The following GABBR2 variants were observed in gnomAD, a reference collection of about 807,000 sequenced individuals.
GABBR2 encodes gamma-aminobutyric acid type B receptor subunit 2.
A neutral mutation model predicts 105.6 loss-of-function variants in GABBR2; 23 were observed. The ratio of observed to expected loss-of-function variants is 0.22; its 90% CI spans 0.16 to 0.31. GABBR2 has a LOEUF of 0.31. Ranked by LOEUF, GABBR2 falls within the 10% of genes least tolerant of loss-of-function variation. GABBR2 has a pLI of 1.00. For synonymous variants in GABBR2, 478 were observed against 499.7 expected (o/e 0.96, Z 0.58); for missense variants, 734 against 1,245.5 (o/e 0.59, Z 6.18).
chr9:98,411,828 C>G (rs1038852634), intron 7 of GABBR2, among the ~76,000 whole-genome samples: 1 of 152,144 alleles, frequency 6.6e-6, no homozygotes, highest in East Asian at 1.9e-4. Context: ...ACCTCGGCTC[C>G]CCTGAAAAGT....
At chr9:98,392,909 A>C (rs113702008) in intron 9 of GABBR2, among the ~76,000 whole-genome samples, 10 of 147,820 alleles carry the variant, frequency 6.8e-5, no homozygotes, top group East Asian at 2.0e-4. Flanking sequence ...ATCCATCTAC[A>C]CAGCCATCCA....
intron 2 of GABBR2, among the ~76,000 whole-genome samples, chr9:98,549,968 G>T (rs921148195): frequency 2.0e-5 from 3 of 152,176 alleles, no homozygotes. Context: ...TTGGTGTCAA[G>T]GACCAAGTTC....
At chr9:98,334,067 C>T (rs1475748695) in intron 13 of GABBR2, among the ~76,000 whole-genome samples, 1 of 152,182 alleles carries the variant, frequency 6.6e-6, no homozygotes, top group Non-Finnish European at 1.5e-5. Context: ...ATTGTTACTC[C>T]TAAGACAATG....
intron 3 of GABBR2, among the ~76,000 whole-genome samples, chr9:98,502,344 A>G (rs1233422646): frequency 2.0e-5 from 3 of 152,024 alleles, no homozygotes; most frequent in Non-Finnish European, 2.9e-5. Flanking sequence ...CCACAGTGCC[A>G]CTCCACTGCA....
At chr9:98,619,622 G>C (rs1829641280) in intron 1 of GABBR2, among the ~76,000 whole-genome samples, 1 of 152,132 alleles carries the variant, frequency 6.6e-6, no homozygotes, top group East Asian at 1.9e-4. Flanking sequence ...CTCCTGTGGT[G>C]TCAAATGTCA....
At chr9:98,374,214 C>A (rs1205361075) in intron 11 of GABBR2, among the ~76,000 whole-genome samples, 1 of 152,200 alleles carries the variant, frequency 6.6e-6, no homozygotes, top group East Asian at 1.9e-4. Context: ...TTGAAACAAT[C>A]ATTTCCAGGC....
chr9:98,476,272 C>A (rs758175148), intron 5 of GABBR2, among the ~76,000 whole-genome samples: 3 of 152,224 alleles, frequency 2.0e-5, no homozygotes, highest in Non-Finnish European at 4.4e-5. Flanking sequence ...GTAGCTGTTT[C>A]TTGTAAGTGA....
intron 1 of GABBR2, among the ~76,000 whole-genome samples, chr9:98,602,186 G>A (rs1452787692): frequency 6.7e-6 from 1 of 148,722 alleles, no homozygotes. Flanking sequence ...TTTTTTAATT[G>A]TTGGTGGCCG....
rs148401798 is a variant in GABBR2, at chr9:98,453,010, G to A, written c.1236+971C>T. Among the ~76,000 whole-genome samples the A allele has an allele frequency of 2.6e-3, 393 of 152,334 alleles. 5 individuals are homozygous for A. Among genetic ancestry groups the A allele is most frequent in the East Asian group, 0.022 (116 of 5,186 alleles). ...GGTAAACTGTGCCTGCACTGTGTGC[G>A]CAGTCAACTTTCTATGCCCTTTTTT... On this transcript the variant is annotated intron_variant, in intron 7 of 18. Coordinates refer to ENST00000259455, the MANE Select transcript of GABBR2 (RefSeq NM_005458.8).
intron 9 of GABBR2, among the ~76,000 whole-genome samples, chr9:98,391,216 A>G (rs1010806148): frequency 1.8e-4 from 28 of 152,230 alleles, no homozygotes; most frequent in Admixed American, 2.6e-4. Context: ...AGGAAAAAAG[A>G]AAAAAGCACT....
chr9:98,632,404 A>G (rs1207145670), intron 1 of GABBR2, among the ~76,000 whole-genome samples: 1 of 152,208 alleles, frequency 6.6e-6, no homozygotes, highest in African/African-American at 2.4e-5. Context: ...TGGCAGTTTT[A>G]AAACATGGCA....
rs75398585 is a variant in GABBR2, at chr9:98,315,168, T to A, written c.1894-3963A>T. 3.0e-3 allele frequency among the ~76,000 whole-genome samples: 461 copies of A among 152,214 alleles called. 2 individuals are homozygous for A. Among genetic ancestry groups the A allele is most frequent in the African/African-American group, 0.011 (454 of 41,520 alleles). On this transcript the variant is annotated intron_variant, in intron 13 of 18. Coordinates refer to ENST00000259455, the MANE Select transcript of GABBR2 (RefSeq NM_005458.8). ...CGGAATCTTGAAATCTGAATTCTTA[T>A]CTTTGGCCTTTCAGTTCCGCACCCA...
chr9:98,423,120 T>C (rs1832813557), intron 7 of GABBR2, among the ~76,000 whole-genome samples: 2 of 152,208 alleles, frequency 1.3e-5, no homozygotes, highest in South Asian at 2.1e-4. Flanking sequence ...CCTTTGGGTA[T>C]ATACCCAGTA....
At chr9:98,424,678 T>C (rs1292720257) in intron 7 of GABBR2, among the ~76,000 whole-genome samples, 1 of 149,984 alleles carries the variant, frequency 6.7e-6, no homozygotes, top group Admixed American at 6.6e-5. Context: ...AGCATTCTTA[T>C]ACACCAATAA....
At chr9:98,429,238 C>A (rs1020523469) in intron 7 of GABBR2, among the ~76,000 whole-genome samples, 3 of 151,906 alleles carry the variant, frequency 2.0e-5, no homozygotes, top group African/African-American at 7.3e-5. Flanking sequence ...CTCCCGAGTT[C>A]AAGCGATCCT....
chr9:98,482,692 T>C (rs1157813619), intron 4 of GABBR2, among the ~76,000 whole-genome samples: 1 of 152,162 alleles, frequency 6.6e-6, no homozygotes, highest in Non-Finnish European at 1.5e-5. Context: ...CCACCTCTGA[T>C]TAGCTGAAAA....
At chr9:98,562,970 T>A (rs1201244940) in intron 2 of GABBR2, among the ~76,000 whole-genome samples, 1 of 136,124 alleles carries the variant, frequency 7.3e-6, no homozygotes, top group Non-Finnish European at 1.5e-5. Flanking sequence ...CTTGGGGGGC[T>A]GAGGGGGGAG....
chr9:98,618,503 TCTCTC>T, intron 1 of GABBR2, among the ~76,000 whole-genome samples: 1 of 151,552 alleles, frequency 6.6e-6, no homozygotes, highest in Non-Finnish European at 1.5e-5. Context: ...TCTCTCTCTC[TCTCTC>T]TCTCTCTCTC....
rs529386368 is a variant in GABBR2 at position 98,327,784 on chromosome 9, G to A, written c.1894-16579C>T. The stretch of plus-strand genomic sequence containing the variant: ...CTCGGGAGGCTAAGGCACAAGAATC[G>A]CTTGAACCTGGGAGGTGGAAGTTAC... On this transcript the variant is annotated intron_variant, in intron 13 of 18. Transcript: ENST00000259455. Among the ~76,000 whole-genome samples the A allele has an allele frequency of 2.4e-4, 36 of 151,836 alleles. No homozygotes were observed. In the South Asian group the frequency reaches 2.9e-3, roughly 12 times the overall value.
Sources: allele counts gnomAD v4.1 joint callset (sites outside exome capture counted in the v4.1 genomes callset), GRCh38; gene constraint gnomAD v4.1.1; transcripts MANE v1.5; gene names NCBI Gene and HGNC (gene_info 2026-07-23, HGNC 2026-07-21).